Variants in NCAM1 observed in about 807,000 individuals in gnomAD.
NCAM1 encodes antigen recognized by monoclonal antibody 5.1H11.
In NCAM1, 14 loss-of-function variants were observed where a neutral mutation model predicts 109.8. That is an observed-to-expected ratio of 0.13 (90% CI 0.08 to 0.20). The LOEUF (loss-of-function observed/expected upper bound fraction) is 0.20. Among genes scored for constraint, NCAM1 ranks in the 10% least tolerant of loss-of-function variants. The pLI is 1.00. For missense variants in NCAM1, 774 were observed against 1,109.9 expected, an observed-to-expected ratio of 0.70 and a Z score of 4.30; for synonymous variants, 418 against 442.9, an observed-to-expected ratio of 0.94 and a Z score of 0.70.
In NCAM1 at chr11:113,192,302, G is replaced by A. The variant is rs187159014; in HGVS notation, c.53-10077G>A. Among the ~76,000 whole-genome samples, 168 of 152,336 alleles carry A rather than the reference G, an allele frequency of 1.1e-3. 1 individual carries two copies. Among genetic ancestry groups the A allele is most frequent in the South Asian group, 8.5e-3 (41 of 4,820 alleles). ...TTGATGGATTGTGCTTTGTTTATCT[G>A]GAGAAGCTTAGCTGAGTTCCAAACA... On this transcript the variant is annotated intron_variant, in intron 1 of 19. Coordinates refer to ENST00000316851, the MANE Select transcript of NCAM1 (RefSeq NM_181351.5).
intron 1 of NCAM1, among the ~76,000 whole-genome samples, chr11:113,176,911 G>C (rs1197390804): frequency 6.6e-6 from 1 of 152,182 alleles, no homozygotes; most frequent in Non-Finnish European, 1.5e-5. Flanking sequence ...TATGAGGACT[G>C]CATCCTTTAT....
intron 1 of NCAM1, among the ~76,000 whole-genome samples, chr11:113,094,804 C>T (rs1939519610): frequency 6.6e-6 from 1 of 152,224 alleles, no homozygotes; most frequent in Non-Finnish European, 1.5e-5. Context: ...TTGTTGTTGA[C>T]TGTCAAACAA....
chr11:113,260,389 A>C, intron 17 of NCAM1, 66 bp downstream of exon 17: 7 of 1,501,674 alleles, frequency 4.7e-6, no homozygotes, highest in Non-Finnish European at 6.3e-6. Context: ...GCACCTCCTA[A>C]TGCGCCTGAA....
chr11:113,041,234 A>G (rs1381829975), intron 1 of NCAM1: 7 of 152,202 alleles, frequency 4.6e-5, no homozygotes, highest in African/African-American at 1.4e-4. Context: ...CTCAAATCGG[A>G]TATAAGACAG....
At chr11:113,017,456 A>G (rs936886190) in intron 1 of NCAM1, among the ~76,000 whole-genome samples, 9 of 152,180 alleles carry the variant, frequency 5.9e-5, no homozygotes, top group Admixed American at 6.6e-5. Context: ...TGAGAAAACA[A>G]TGGTTAGTAT....
intron 9 of NCAM1, among the ~76,000 whole-genome samples, chr11:113,226,647 G>A (rs531848205): frequency 8.2e-4 from 125 of 152,186 alleles, no homozygotes; most frequent in South Asian, 6.0e-3. Flanking sequence ...GCACCACACC[G>A]CACTTGTTCC....
chr11:113,218,696 A>C (rs1235646736), intron 8 of NCAM1, among the ~76,000 whole-genome samples: 3 of 152,250 alleles, frequency 2.0e-5, no homozygotes, highest in African/African-American at 7.2e-5. Context: ...AGCTTCAGCT[A>C]GTTGAGTTGG....
chr11:113,177,816 G>A (rs1318197534), intron 1 of NCAM1, among the ~76,000 whole-genome samples: 1 of 152,056 alleles, frequency 6.6e-6, no homozygotes, highest in Non-Finnish European at 1.5e-5. Flanking sequence ...CCGCTGAGGT[G>A]GGACTGTCTC....
intron 1 of NCAM1, among the ~76,000 whole-genome samples, chr11:113,172,026 G>C (rs1302816971): frequency 6.6e-6 from 1 of 152,188 alleles, no homozygotes; most frequent in African/African-American, 2.4e-5. Context: ...AGAAGCCTGG[G>C]ACAGTTACCT....
intron 1 of NCAM1, among the ~76,000 whole-genome samples, chr11:113,158,936 C>T (rs1235226616): frequency 6.6e-6 from 1 of 152,220 alleles, no homozygotes; most frequent in Non-Finnish European, 1.5e-5. Flanking sequence ...TTTTGTGTTT[C>T]AGACATATTT....
chr11:113,020,736 G>A (rs1269718284), intron 1 of NCAM1, among the ~76,000 whole-genome samples: 2 of 152,016 alleles, frequency 1.3e-5, no homozygotes, highest in Non-Finnish European at 2.9e-5. Flanking sequence ...TTGGGTAGCT[G>A]GTGATGTTCT....
intron 1 of NCAM1, among the ~76,000 whole-genome samples, chr11:112,995,776 G>C (rs956968202): frequency 2.0e-5 from 3 of 152,216 alleles, no homozygotes; most frequent in Non-Finnish European, 4.4e-5. Flanking sequence ...TGAGCCTGCT[G>C]TGAAGATCTT....
At chr11:113,172,021 C>A (rs1555106325) in intron 1 of NCAM1, among the ~76,000 whole-genome samples, 1 of 152,146 alleles carries the variant, frequency 6.6e-6, no homozygotes, top group African/African-American at 2.4e-5. Context: ...AGAAGAGAAG[C>A]CTGGGACAGT....
chr11:113,232,934 A>G, intron 12 of NCAM1, 120 bp downstream of exon 12: 1 of 1,049,754 alleles, frequency 9.5e-7, no homozygotes, highest in Non-Finnish European at 1.4e-6. Flanking sequence ...CAGGGTCAGC[A>G]AAGCCAGAGA....
intron 1 of NCAM1, among the ~76,000 whole-genome samples, chr11:113,111,496 G>T (rs530578608): frequency 1.3e-5 from 2 of 151,342 alleles, no homozygotes; most frequent in African/African-American, 4.8e-5. Flanking sequence ...GATCAGCAGC[G>T]TCAGGACCTG....
At chr11:113,007,099 G>A (rs957752782) in intron 1 of NCAM1, among the ~76,000 whole-genome samples, 5 of 152,076 alleles carry the variant, frequency 3.3e-5, no homozygotes, top group Admixed American at 1.3e-4. Flanking sequence ...TGCATTAATC[G>A]GGGCAACTTT....
intron 1 of NCAM1, among the ~76,000 whole-genome samples, chr11:112,971,972 A>T (rs533008227): frequency 6.6e-6 from 1 of 152,324 alleles, no homozygotes; most frequent in South Asian, 2.1e-4. Flanking sequence ...TTGGATAAGG[A>T]TAAAAGGGGC....
chr11:113,137,075 G>A (rs1347386103), intron 1 of NCAM1, among the ~76,000 whole-genome samples: 1 of 152,174 alleles, frequency 6.6e-6, no homozygotes, highest in Non-Finnish European at 1.5e-5. Context: ...AATAGGTATG[G>A]GATACAGAGT....
At chr11:113,264,100 G>A in intron 17 of NCAM1, 1 of 985,332 alleles carries the variant, frequency 1.0e-6, no homozygotes, top group Non-Finnish European at 1.2e-6. Flanking sequence ...TAATATCAGT[G>A]TGTGTGCTTG....
Sources: allele counts gnomAD v4.1 joint callset (sites outside exome capture counted in the v4.1 genomes callset), GRCh38; gene constraint gnomAD v4.1.1; transcripts MANE v1.5; gene names NCBI Gene and HGNC (gene_info 2026-07-23, HGNC 2026-07-21).